Variants in VIRMA observed in about 807,000 individuals in gnomAD.
VIRMA encodes vir like m6A methyltransferase associated.
Under a neutral mutation model 182.4 loss-of-function variants are expected in VIRMA, and 65 were observed. That is an observed-to-expected ratio of 0.36 (90% CI 0.29 to 0.44). The LOEUF (loss-of-function observed/expected upper bound fraction) is 0.44. Among genes scored for constraint, VIRMA ranks in the 20% least tolerant of loss-of-function variants. The pLI is 1.00. For synonymous variants in VIRMA, 709 were observed against 743.1 expected (o/e 0.95, Z 0.75); for missense variants, 1,752 against 2,158.1 (o/e 0.81, Z 3.73).
chr8:94,526,333 T>C lies in VIRMA; in HGVS notation c.1911A>G (p.Leu637=), dbSNP rs757367397. The part of the protein sequence containing the change: ...LINLLEEVFH[L]METAPHTMIQ... ...TCATTGTATGAGGGGCAGTTTCCATTAAATGAAAAACTTCTTCTAGGAGGT... is the reference window on the plus strand; with the variant it reads ...TCATTGTATGAGGGGCAGTTTCCATCAAATGAAAAACTTCTTCTAGGAGGT... The change falls in exon 8 of 24, where the codon TTA becomes TTG. Residue 637 remains leucine, a synonymous_variant. Transcript: ENST00000297591. The C allele has an allele frequency of 6.2e-7, 1 of 1,614,094 alleles. No individual in the cohort carries two copies. The highest frequency in any genetic ancestry group is 8.5e-7 in the Non-Finnish European group (1 of 1,179,934).
At chr8:94,545,081 T>C (rs1815715653) in intron 1 of VIRMA, among the ~76,000 whole-genome samples, 1 of 150,136 alleles carries the variant, frequency 6.7e-6, no homozygotes, top group Non-Finnish European at 1.5e-5. Context: ...AGTTATGATA[T>C]GATCGCCTCA....
chr8:94,501,037 A>G (rs1183288967), intron 16 of VIRMA, among the ~76,000 whole-genome samples: 3 of 151,956 alleles, frequency 2.0e-5, no homozygotes, highest in Non-Finnish European at 4.4e-5. Flanking sequence ...CGAAGTCAGG[A>G]GTTCGAGACC....
rs768834731 is a variant in VIRMA, at chr8:94,529,197, A to ATCT, written c.750_752dup (p.Glu250dup). The stretch of plus-strand genomic sequence containing the variant: ...CTTCCTCTACATCCACATCATCTTC[A>ATCT]TCTTCTTCTCCTTCTTCTTGTTGTT... On this transcript the variant is annotated inframe_insertion, in exon 7 of 24. Coordinates refer to ENST00000297591, the MANE Select transcript of VIRMA (RefSeq NM_015496.5). 221 of 1,481,934 alleles carry ATCT rather than the reference A, an allele frequency of 1.5e-4. 1 individual carries two copies. Among genetic ancestry groups the ATCT allele is most frequent in the Middle Eastern group, 1.2e-3 (7 of 5,820 alleles). 91.8% of individuals were successfully genotyped at this position (1,481,934 alleles called of 1,614,324 possible). A position where few individuals can be genotyped will look rare whatever the true frequency, so the allele number is the denominator to read the frequency against.
At chr8:94,502,589 A>G (rs1814028813) in intron 16 of VIRMA, among the ~76,000 whole-genome samples, 1 of 152,144 alleles carries the variant, frequency 6.6e-6, no homozygotes, top group Non-Finnish European at 1.5e-5. Flanking sequence ...CCAATGAGAC[A>G]CACCAAAATC....
In VIRMA at chr8:94,553,443, G is replaced by A. The variant is rs751498010; in HGVS notation, c.5C>T (p.Ala2Val). ...TAACAGCTCCATCGCCGAGTCCACC[G>A]CCATGTTTGCCGCGGGCGGGGAACA... is the stretch of plus-strand genomic sequence containing the variant. M[A>V]VDSAMELLFL... The change falls in exon 1 of 24, where the codon GCG (alanine) becomes GTG (valine). Residue 2 changes from alanine (A) to valine (V), a missense_variant. Around this residue, in one of 11 missense-constraint regions of VIRMA, gnomAD observed 195 missense variants for 191.7 expected, o/e 1.02. Transcript: ENST00000297591. The A allele has an allele frequency of 1.4e-5, 22 of 1,614,108 alleles. No individual in the cohort carries two copies. The highest frequency in any genetic ancestry group is 1.9e-5 in the Non-Finnish European group (22 of 1,179,962).
At position 94,488,686 on chromosome 8, in the gene VIRMA, A is replaced by G. The variant is rs1269859912; in HGVS notation, c.*20T>C. 4 of 1,613,304 alleles carry G rather than the reference A, an allele frequency of 2.5e-6. No individual in the cohort carries two copies. Among genetic ancestry groups the G allele is most frequent in the Non-Finnish European group, 3.4e-6 (4 of 1,179,328 alleles). On this transcript the variant is annotated 3_prime_UTR_variant, in exon 24 of 24. Coordinates refer to ENST00000297591, the MANE Select transcript of VIRMA (RefSeq NM_015496.5). Reference sequence around the variant, plus strand: ...CTCGTGAAATGTTCATATACAGTTAAGATGTTCCCAAAAGGATTTTTATCG... The same window carrying G: ...CTCGTGAAATGTTCATATACAGTTAGGATGTTCCCAAAAGGATTTTTATCG...
intron 18 of VIRMA, 45 bp downstream of exon 18, chr8:94,496,281 TGA>T (rs747436587): frequency 8.4e-6 from 13 of 1,545,098 alleles, no homozygotes; most frequent in Non-Finnish European, 1.1e-5. Context: ...CTAGTCAAAC[TGA>T]GAGGAAAATA....
At chr8:94,530,515 A>C (rs1342888839) in intron 6 of VIRMA, among the ~76,000 whole-genome samples, 1 of 151,968 alleles carries the variant, frequency 6.6e-6, no homozygotes, top group Non-Finnish European at 1.5e-5. Flanking sequence ...AAAAAAGAAA[A>C]AAGAAAGAAA....
At chr8:94,531,379 T>G (rs919286695) in intron 5 of VIRMA, among the ~76,000 whole-genome samples, 1 of 152,326 alleles carries the variant, frequency 6.6e-6, no homozygotes, top group South Asian at 2.1e-4. Context: ...TGTTAAAGTA[T>G]AAGGAAATGA....
At chr8:94,545,776 TG>T (rs1372931316) in intron 1 of VIRMA, among the ~76,000 whole-genome samples, 2 of 152,244 alleles carry the variant, frequency 1.3e-5, no homozygotes, top group East Asian at 3.9e-4. Context: ...AAGTGCAGGC[TG>T]GGAGCCATGG....
At chr8:94,536,979 A>T in intron 4 of VIRMA, 124 bp downstream of exon 4, 1 of 751,072 alleles carries the variant, frequency 1.3e-6, no homozygotes, top group Admixed American at 2.2e-5. Flanking sequence ...ACTCCGTCTC[A>T]AAAAACACAA....
intron 1 of VIRMA, among the ~76,000 whole-genome samples, chr8:94,550,517 C>T (rs1815945934): frequency 6.6e-6 from 1 of 152,128 alleles, no homozygotes; most frequent in African/African-American, 2.4e-5. Flanking sequence ...TGGTCTCGAT[C>T]TCCTGACCTC....
chr8:94,536,710 T>C (rs1274746954), intron 4 of VIRMA, among the ~76,000 whole-genome samples: 1 of 152,190 alleles, frequency 6.6e-6, no homozygotes, highest in Non-Finnish European at 1.5e-5. Flanking sequence ...CTGGGCGCGG[T>C]GGCTCACGCC....
chr8:94,552,606 G>T (rs60655325), intron 1 of VIRMA, among the ~76,000 whole-genome samples: 36,252 of 151,772 alleles, frequency 0.24, 5,332 homozygotes, highest in East Asian at 0.5. Flanking sequence ...CTTCATTCAA[G>T]TTCATTTTTG....
intron 16 of VIRMA, among the ~76,000 whole-genome samples, chr8:94,505,330 T>C (rs1814116562): frequency 6.6e-6 from 1 of 152,162 alleles, no homozygotes; most frequent in Non-Finnish European, 1.5e-5. Context: ...TATCTCATAA[T>C]CCCATGTAGT....
At position 94,537,088 on chromosome 8, in the gene VIRMA, G is replaced by A; in HGVS notation, c.315+15C>T. ...AAATAGTAATGACAAGCTGAAAACT[G>A]ACTTCCAGAATTACCTTTGAGTTAG... is the stretch of plus-strand genomic sequence containing the variant. On this transcript the variant is annotated intron_variant, in intron 4 of 23. Coordinates refer to ENST00000297591, the MANE Select transcript of VIRMA (RefSeq NM_015496.5). The A allele has an allele frequency of 6.4e-7, 1 of 1,569,136 alleles. No individual in the cohort carries two copies. Among genetic ancestry groups the A allele is most frequent in the Non-Finnish European group, 8.8e-7 (1 of 1,139,240 alleles).
At chr8:94,534,498 T>C (rs562457717) in intron 5 of VIRMA, 2 of 293,456 alleles carry the variant, frequency 6.8e-6, no homozygotes, top group Non-Finnish European at 1.3e-5. Flanking sequence ...ATAGCTATCT[T>C]GTCAAGTCTT....
intron 1 of VIRMA, among the ~76,000 whole-genome samples, chr8:94,545,547 T>C (rs2130392796): frequency 6.6e-6 from 1 of 152,308 alleles, no homozygotes; most frequent in Middle Eastern, 3.4e-3. Context: ...TGTTCCAAAG[T>C]ATGCTAGTTC....
intron 15 of VIRMA, among the ~76,000 whole-genome samples, chr8:94,507,410 C>T (rs953343131): frequency 2.0e-5 from 3 of 151,180 alleles, no homozygotes; most frequent in Non-Finnish European, 3.0e-5. Flanking sequence ...GCTGGGATTA[C>T]AGGCATGAGC....
Sources: allele counts gnomAD v4.1 joint callset (sites outside exome capture counted in the v4.1 genomes callset), GRCh38; gene constraint gnomAD v4.1.1; regional missense constraint gnomAD v4.1.1; transcripts MANE v1.5; gene names NCBI Gene and HGNC (gene_info 2026-07-23, HGNC 2026-07-21).